The following MAPK10 variants were observed in gnomAD, a reference collection of about 807,000 sequenced individuals.
The protein encoded by MAPK10 is mitogen-activated protein kinase 10.
Under a neutral mutation model 59.3 loss-of-function variants are expected in MAPK10, and 25 were observed. That is an observed-to-expected ratio of 0.42 (90% CI 0.31 to 0.59). MAPK10 has a LOEUF of 0.59. Ranked by LOEUF, MAPK10 falls within the 20% of genes least tolerant of loss-of-function variation. The pLI is 0.15. For synonymous variants in MAPK10, 190 were observed against 200.5 expected, an observed-to-expected ratio of 0.95 and a Z score of 0.44; for missense variants, 351 against 568.9, an observed-to-expected ratio of 0.62 and a Z score of 3.90.
intron 1 of MAPK10, among the ~76,000 whole-genome samples, chr4:86,586,790 G>A (rs1762681578): frequency 6.6e-6 from 1 of 152,150 alleles, no homozygotes; most frequent in African/African-American, 2.4e-5. Context: ...TCAGTTTGGG[G>A]CCAGTAGGGG....
rs549635275 is a variant in MAPK10 at position 86,388,503 on chromosome 4, T to C, written c.-121-33859A>G. Among the ~76,000 whole-genome samples, 22 of 152,276 alleles carry C rather than the reference T, an allele frequency of 1.4e-4. No homozygotes were observed. The South Asian group carries it at 4.6e-3, about 32-fold the overall frequency. The stretch of plus-strand genomic sequence containing the variant: ...TATGCCTAATCATACATAAGATGAC[T>C]TTTATTTACTGCTCCTTATGGGAAC... On this transcript the variant is annotated intron_variant, in intron 1 of 13. Transcript: ENST00000361569.
chr4:86,185,794 A>T (rs1428537610), intron 3 of MAPK10, among the ~76,000 whole-genome samples: 1 of 152,156 alleles, frequency 6.6e-6, no homozygotes. Flanking sequence ...CAAGGATTTT[A>T]TTATAAGTGG....
chr4:86,365,210 T>C (rs1737643389), intron 1 of MAPK10, among the ~76,000 whole-genome samples: 1 of 151,948 alleles, frequency 6.6e-6, no homozygotes, highest in South Asian at 2.1e-4. Context: ...GGCAGGTGGA[T>C]CACTTGAGGT....
chr4:86,493,811 A>C (rs1012358856), intron 1 of MAPK10, among the ~76,000 whole-genome samples: 1 of 152,204 alleles, frequency 6.6e-6, no homozygotes, highest in Non-Finnish European at 1.5e-5. Flanking sequence ...AAAAAAGAGC[A>C]TGTATATGTG....
intron 2 of MAPK10, among the ~76,000 whole-genome samples, chr4:86,195,512 C>T (rs779183266): frequency 6.6e-6 from 1 of 152,106 alleles, no homozygotes; most frequent in Non-Finnish European, 1.5e-5. Context: ...GAGCTGAGGC[C>T]GCTGTTTGTC....
At chr4:86,090,256 T>C (rs1166933778) in intron 9 of MAPK10, 3 of 151,728 alleles carry the variant, frequency 2.0e-5, no homozygotes, top group Non-Finnish European at 4.4e-5. Flanking sequence ...GGGGAGCAAA[T>C]AGGGAAAGGC....
At chr4:86,169,581 C>T (rs1440295053) in intron 3 of MAPK10, among the ~76,000 whole-genome samples, 1 of 152,112 alleles carries the variant, frequency 6.6e-6, no homozygotes, top group Non-Finnish European at 1.5e-5. Flanking sequence ...ACCAAATCTA[C>T]ATCTGATTGG....
intron 1 of MAPK10, among the ~76,000 whole-genome samples, chr4:86,555,444 C>G (rs1760189406): frequency 1.3e-5 from 2 of 151,778 alleles, no homozygotes; most frequent in Admixed American, 1.3e-4. Context: ...GAGACTCCAT[C>G]TCAAAAAAAA....
chr4:86,521,037 G>C (rs1363276502), intron 1 of MAPK10, among the ~76,000 whole-genome samples: 1 of 152,218 alleles, frequency 6.6e-6, no homozygotes, highest in African/African-American at 2.4e-5. Flanking sequence ...AGTGGACTCT[G>C]TGAAAGTCCT....
At chr4:86,336,112 A>C (rs1721169755) in intron 2 of MAPK10, among the ~76,000 whole-genome samples, 1 of 152,246 alleles carries the variant, frequency 6.6e-6, no homozygotes, top group Non-Finnish European at 1.5e-5. Flanking sequence ...TTAAAATCAA[A>C]TAGTAAATGG....
intron 4 of MAPK10, among the ~76,000 whole-genome samples, chr4:86,121,935 A>G (rs2059324142): frequency 6.6e-6 from 1 of 152,072 alleles, no homozygotes; most frequent in Non-Finnish European, 1.5e-5. Context: ...TCTAAACTTT[A>G]TATCTCAACA....
chr4:86,139,581 T>G (rs1034962425), intron 4 of MAPK10, among the ~76,000 whole-genome samples: 2 of 152,094 alleles, frequency 1.3e-5, no homozygotes, highest in Non-Finnish European at 2.9e-5. Flanking sequence ...ATAAAAACCC[T>G]AGAAGAAAAC....
At chr4:86,115,400 C>A (rs4693136) in intron 4 of MAPK10, among the ~76,000 whole-genome samples, 2 of 151,874 alleles carry the variant, frequency 1.3e-5, no homozygotes, top group African/African-American at 4.8e-5. Context: ...AACCTGGATA[C>A]GTCAGTTGAT....
chr4:86,403,330 C>T (rs191702724), intron 1 of MAPK10, among the ~76,000 whole-genome samples: 9 of 152,226 alleles, frequency 5.9e-5, no homozygotes, highest in African/African-American at 7.2e-5. Flanking sequence ...GTCTAGCCAA[C>T]GTGGTGAAAT....
chr4:86,333,139 T>G (rs2096194749), intron 2 of MAPK10, among the ~76,000 whole-genome samples: 1 of 152,108 alleles, frequency 6.6e-6, no homozygotes, highest in Admixed American at 6.6e-5. Context: ...ACCAACAAAT[T>G]CAATAACATA....
At chr4:86,059,781 C>T (rs1177264937) in intron 11 of MAPK10, among the ~76,000 whole-genome samples, 3 of 151,972 alleles carry the variant, frequency 2.0e-5, no homozygotes, top group East Asian at 1.9e-4. Context: ...AAAACATGCC[C>T]GCTCTCTCTC....
At chr4:86,084,177 G>A (rs1481557948) in intron 9 of MAPK10, among the ~76,000 whole-genome samples, 3 of 152,138 alleles carry the variant, frequency 2.0e-5, no homozygotes, top group Admixed American at 6.5e-5. Context: ...AAGTAAAGGG[G>A]ACTTTGTCTT....
At chr4:86,358,777 T>C (rs1735777635) in intron 1 of MAPK10, 2 of 152,204 alleles carry the variant, frequency 1.3e-5, no homozygotes, top group Non-Finnish European at 2.9e-5. Flanking sequence ...CACAAATACA[T>C]AGATTCTAAC....
At chr4:86,546,975 G>A (rs1759237734) in intron 1 of MAPK10, among the ~76,000 whole-genome samples, 1 of 152,004 alleles carries the variant, frequency 6.6e-6, no homozygotes, top group Non-Finnish European at 1.5e-5. Flanking sequence ...AGAACCGTGT[G>A]AACCCGGAAG....
Sources: gnomAD v4.1 joint callset for allele counts (sites outside exome capture counted in the v4.1 genomes callset) on GRCh38, gnomAD v4.1.1 for gene constraint, MANE v1.5 for transcripts, NCBI Gene and HGNC (gene_info 2026-07-23, HGNC 2026-07-21) for gene names.